Variants in PTP4A3 observed in about 807,000 individuals in gnomAD.
PTP4A3 encodes protein tyrosine phosphatase type IVA 3.
In PTP4A3, 9 loss-of-function variants were observed where a neutral mutation model predicts 15.2. The ratio of observed to expected loss-of-function variants is 0.59; its 90% CI spans 0.36 to 1.03. The LOEUF (loss-of-function observed/expected upper bound fraction) is 1.03, where lower values mean the gene tolerates loss of function less well. Ranked by LOEUF, PTP4A3 falls within the 50% of genes least tolerant of loss-of-function variation. The pLI is 0.02. For synonymous variants in PTP4A3, 95 were observed against 102.0 expected, an observed-to-expected ratio of 0.93 and a Z score of 0.41; for missense variants, 234 against 252.1, an observed-to-expected ratio of 0.93 and a Z score of 0.49.
At chr8:141,416,980 C>T (rs556630110) in intron 1 of PTP4A3, among the ~76,000 whole-genome samples, 89 of 152,274 alleles carry the variant, frequency 5.8e-4, no homozygotes, top group African/African-American at 1.6e-3. Flanking sequence ...CCACCCTTGC[C>T]GCTCCACCCT....
At chr8:141,415,315 C>T (rs1563731404) in intron 1 of PTP4A3, among the ~76,000 whole-genome samples, 1 of 151,964 alleles carries the variant, frequency 6.6e-6, no homozygotes, top group Admixed American at 6.5e-5. Flanking sequence ...AGTCTTTCCC[C>T]ACCCCAACTA....
intron 3 of PTP4A3, 166 bp from the exon 4 acceptor site, chr8:141,426,773 A>C: frequency 1.1e-6 from 1 of 916,942 alleles, no homozygotes; most frequent in Non-Finnish European, 1.3e-6. Flanking sequence ...TGGGGTGCCC[A>C]TAGGCAAGCT....
Position 141,432,286 on chromosome 8 carries a change from C to T in PTP4A3, c.*1242C>T, listed in dbSNP as rs1038530800. 6.6e-6 allele frequency: 1 copy of T among 152,186 alleles called. No individual in the cohort carries two copies. The highest frequency in any genetic ancestry group is 6.5e-5 in the Admixed American group (1 of 15,280). The allele number at this position is 152,186 out of a possible 1,614,324, so 9.4% of individuals were successfully genotyped here. A position where few individuals can be genotyped will look rare whatever the true frequency, so the allele number is the denominator to read the frequency against. ...GGGGAGATGTGGAAACCCCAAAAGC[C>T]CCTTCTCAGGCAGCCCTGCCCCCAA... On this transcript the variant is annotated 3_prime_UTR_variant, in exon 6 of 6. Transcript: ENST00000521578.
intron 1 of PTP4A3, among the ~76,000 whole-genome samples, chr8:141,403,369 C>T (rs577107683): frequency 1.3e-5 from 2 of 152,260 alleles, no homozygotes; most frequent in East Asian, 1.9e-4. Context: ...CTGAGAGTCC[C>T]GAGCCTGGGG....
At chr8:141,405,742 C>CTG (rs1169543003) in intron 1 of PTP4A3, among the ~76,000 whole-genome samples, 1 of 150,616 alleles carries the variant, frequency 6.6e-6, no homozygotes, top group East Asian at 2.0e-4. Flanking sequence ...ATGATCCCTA[C>CTG]TGTGTGTGGG....
At chr8:141,418,405 C>G (rs1833154566) in intron 1 of PTP4A3, among the ~76,000 whole-genome samples, 1 of 152,204 alleles carries the variant, frequency 6.6e-6, no homozygotes, top group South Asian at 2.1e-4. Context: ...GCGTGTTGTT[C>G]CTGCCTCCTA....
intron 1 of PTP4A3, among the ~76,000 whole-genome samples, chr8:141,415,624 C>CG (rs527736008): frequency 2.6e-5 from 1 of 38,426 alleles, no homozygotes; most frequent in South Asian, 1.3e-3. Context: ...GCGCGGAGGG[C>CG]GGGGGGCAGG....
intron 1 of PTP4A3, among the ~76,000 whole-genome samples, chr8:141,403,971 T>C (rs1832663536): frequency 6.6e-6 from 1 of 152,288 alleles, no homozygotes. Flanking sequence ...TGGCTGAGCC[T>C]GTCTCAGCAG....
chr8:141,432,028 G>C lies in PTP4A3; in HGVS notation c.*984G>C, dbSNP rs1183963469. Reference sequence around the variant, plus strand: ...ATGTGAGAGGCCTGGACCAGGGCCCGCCGGAGGGCGTGGACCAGATGCTCA... The same window carrying C: ...ATGTGAGAGGCCTGGACCAGGGCCCCCCGGAGGGCGTGGACCAGATGCTCA... On this transcript the variant is annotated 3_prime_UTR_variant, in exon 6 of 6. Coordinates refer to ENST00000521578, the MANE Select transcript of PTP4A3 (RefSeq NM_032611.3). The C allele has an allele frequency of 6.6e-6, 1 of 152,436 alleles. No homozygotes were observed. Among genetic ancestry groups the C allele is most frequent in the Non-Finnish European group, 1.5e-5 (1 of 68,196 alleles). The allele number at this position is 152,436 out of a possible 1,614,324, so 9.4% of individuals were successfully genotyped here. A position where few individuals can be genotyped will look rare whatever the true frequency, so the allele number is the denominator to read the frequency against.
chr8:141,393,003 C>T (rs1021129564), intron 1 of PTP4A3, among the ~76,000 whole-genome samples: 1 of 152,198 alleles, frequency 6.6e-6, no homozygotes, highest in Non-Finnish European at 1.5e-5. Context: ...GGGCATCCAC[C>T]TAGTCTGTGG....
intron 5 of PTP4A3, among the ~76,000 whole-genome samples, chr8:141,429,975 C>T (rs1468845605): frequency 3.3e-5 from 3 of 90,052 alleles, no homozygotes; most frequent in African/African-American, 1.3e-4. Flanking sequence ...CAGCCCACGT[C>T]CCCGCTGTAA....
intron 1 of PTP4A3, among the ~76,000 whole-genome samples, chr8:141,418,305 G>T (rs1252679336): frequency 6.6e-6 from 1 of 152,248 alleles, no homozygotes. Flanking sequence ...TGAAGCGGGG[G>T]CTGGATTCAA....
chr8:141,405,076 G>T (rs1832689759), intron 1 of PTP4A3, among the ~76,000 whole-genome samples: 1 of 152,214 alleles, frequency 6.6e-6, no homozygotes, highest in Non-Finnish European at 1.5e-5. Context: ...AACGCTCCCT[G>T]TCTGCCGCCC....
At chr8:141,413,610 CAG>C (rs1301016582) in intron 1 of PTP4A3, among the ~76,000 whole-genome samples, 4 of 152,214 alleles carry the variant, frequency 2.6e-5, no homozygotes, top group African/African-American at 9.6e-5. Context: ...TTAGGGCCGT[CAG>C]AACACGGCTC....
rs1169869217 is a variant in PTP4A3, at chr8:141,432,386, CG to C, written c.*1344del. The C allele has an allele frequency of 2.0e-5, 3 of 152,226 alleles. No homozygotes were observed. Among genetic ancestry groups the C allele is most frequent in the African/African-American group, 7.2e-5 (3 of 41,430 alleles). The allele number at this position is 152,226 out of a possible 1,614,324, so 9.4% of individuals were successfully genotyped here. ...TGTGGAGAAAGGGCAACAGCTGTCCCGGATGGTTATTCTCTCCTTTCCTCAA... is the reference window on the plus strand; with the variant it reads ...TGTGGAGAAAGGGCAACAGCTGTCCCGATGGTTATTCTCTCCTTTCCTCAA... On this transcript the variant is annotated 3_prime_UTR_variant, in exon 6 of 6. Coordinates refer to ENST00000521578, the MANE Select transcript of PTP4A3 (RefSeq NM_032611.3).
intron 1 of PTP4A3, among the ~76,000 whole-genome samples, chr8:141,399,930 G>A (rs551758470): frequency 2.0e-5 from 3 of 152,164 alleles, no homozygotes; most frequent in African/African-American, 4.8e-5. Flanking sequence ...TTTTTGAGAC[G>A]GAGTCTCACC....
intron 1 of PTP4A3, among the ~76,000 whole-genome samples, chr8:141,407,898 G>T (rs1013418697): frequency 3.9e-5 from 6 of 152,112 alleles, no homozygotes; most frequent in African/African-American, 1.4e-4. Flanking sequence ...ACATCATGAG[G>T]TTTTTTGTTG....
Position 141,425,953 on chromosome 8 carries a change from A to G in PTP4A3, c.198+813A>G, listed in dbSNP as rs569568153. ...TCCGAGCCTTGGGTTCCTCACCTCA[A>G]AGCGAGGCTGCTTGGAAGAATGGGA... On this transcript the variant is annotated intron_variant, in intron 3 of 5. Transcript: ENST00000521578. This position sits in a 1 kb window ranked among gnomAD's most constrained non-coding sequence, Gnocchi z 4.2. Among the ~76,000 whole-genome samples, 1 of 152,180 alleles carries G rather than the reference A, an allele frequency of 6.6e-6. No homozygotes were observed. Among genetic ancestry groups the G allele is most frequent in the Non-Finnish European group, 1.5e-5 (1 of 68,006 alleles).
chr8:141,423,819 G>A (rs1455828003), intron 2 of PTP4A3, among the ~76,000 whole-genome samples: 3 of 151,718 alleles, frequency 2.0e-5, no homozygotes, highest in South Asian at 4.2e-4. Flanking sequence ...TGTGACCAGG[G>A]TTAACGCTTA....
Sources: gnomAD v4.1 joint callset for allele counts (sites outside exome capture counted in the v4.1 genomes callset) on GRCh38, gnomAD v4.1.1 for gene constraint, Gnocchi (gnomAD v3.1) non-coding constraint, MANE v1.5 for transcripts, NCBI Gene and HGNC (gene_info 2026-07-23, HGNC 2026-07-21) for gene names.